Variants in TUG1 observed in about 807,000 individuals in gnomAD.
The protein encoded by TUG1 is taurine up-regulated 1.
At chr22:30,970,034 G>A (rs1419739476) in exon 1 of TUG1, 1 of 152,194 alleles carries the variant, frequency 6.6e-6, no homozygotes, top group African/African-American at 2.4e-5. Context: ...GTACGTAAAG[G>A]ATGGTTATTG....
At chr22:30,970,263 T>C (rs2041213534) in exon 1 of TUG1, 1 of 152,008 alleles carries the variant, frequency 6.6e-6, no homozygotes, top group African/African-American at 2.4e-5. Flanking sequence ...CCCAGAAGAG[T>C]TAAGAATCAC....
chr22:30,974,289 G>A (rs993714818), intron 2 of TUG1: 1 of 150,054 alleles, frequency 6.7e-6, no homozygotes, highest in Non-Finnish European at 1.5e-5. Flanking sequence ...GTGTATTAAA[G>A]GATCTCAGGA....
At chr22:30,970,315 C>T (rs2041214145) in exon 1 of TUG1, 1 of 152,238 alleles carries the variant, frequency 6.6e-6, no homozygotes, top group Non-Finnish European at 1.5e-5. Context: ...GCCTAGATGT[C>T]ATTTGGGACC....
At chr22:30,976,482 T>C (rs1474929487) in exon 3 of TUG1, 1 of 152,224 alleles carries the variant, frequency 6.6e-6, no homozygotes, top group East Asian at 1.9e-4. Context: ...ATTTTATCGG[T>C]AGACTTAAGA....
chr22:30,976,866 C>G (rs1484670496), exon 3 of TUG1: 1 of 152,208 alleles, frequency 6.6e-6, no homozygotes, highest in Admixed American at 6.5e-5. Context: ...TACATCTCGT[C>G]AAACAAGGCC....
exon 2 of TUG1, chr22:30,973,351 G>A (rs2041252236): frequency 6.6e-6 from 1 of 152,104 alleles, no homozygotes; most frequent in African/African-American, 2.4e-5. Flanking sequence ...AAGGTCACTG[G>A]ACCCTGTTTT....
At chr22:30,973,855 G>A (rs2041256779) in intron 2 of TUG1, 1 of 152,118 alleles carries the variant, frequency 6.6e-6, no homozygotes, top group Non-Finnish European at 1.5e-5. Flanking sequence ...TGGGTATTGG[G>A]AACCTCAGGA....
intron 2 of TUG1, chr22:30,973,837 A>C (rs2041256660): frequency 6.6e-6 from 1 of 152,184 alleles, no homozygotes; most frequent in South Asian, 2.1e-4. Context: ...CCACAGTGTT[A>C]AAATGGCTGG....
chr22:30,976,198 CAT>C (rs1439353951), exon 3 of TUG1: 5 of 152,142 alleles, frequency 3.3e-5, no homozygotes, highest in East Asian at 1.9e-4. Flanking sequence ...CACCCCTTCT[CAT>C]GTGATTTAAA....
chr22:30,973,000 T>G (rs2041248900), exon 2 of TUG1: 2 of 153,232 alleles, frequency 1.3e-5, no homozygotes, highest in Admixed American at 1.3e-4. Flanking sequence ...CCCATTCCAG[T>G]GGACCACTGT....
chr22:30,975,976 G>GTATATA (rs778772594), exon 3 of TUG1: 13 of 150,000 alleles, frequency 8.7e-5, no homozygotes, highest in Non-Finnish European at 1.8e-4. Flanking sequence ...ACACATCACT[G>GTATATA]TATGACTCAA....
exon 3 of TUG1, chr22:30,978,547 A>G (rs1190108538): frequency 6.6e-6 from 1 of 152,152 alleles, no homozygotes; most frequent in Non-Finnish European, 1.5e-5. Context: ...GTCTGACCCA[A>G]CCTTGAGCTT....
exon 3 of TUG1, chr22:30,977,770 ATCTT>A (rs1486027968): frequency 1.3e-5 from 2 of 152,164 alleles, no homozygotes; most frequent in Non-Finnish European, 2.9e-5. Context: ...ATTTCAGTCT[ATCTT>A]GTGCCCAATA....
exon 3 of TUG1, chr22:30,978,686 G>A (rs1414909051): frequency 6.6e-6 from 1 of 152,206 alleles, no homozygotes; most frequent in African/African-American, 2.4e-5. Context: ...GGCCTACCAT[G>A]TAGAGAATGA....
chr22:30,971,239 C>T (rs1027828841), exon 1 of TUG1: 1 of 152,176 alleles, frequency 6.6e-6, no homozygotes, highest in South Asian at 2.1e-4. Flanking sequence ...TGACTATTCC[C>T]TTTTCCTAAA....
At chr22:30,976,445 CA>C (rs1193900515) in exon 3 of TUG1, 1 of 152,140 alleles carries the variant, frequency 6.6e-6, no homozygotes, top group Non-Finnish European at 1.5e-5. Flanking sequence ...ATTTGAAAAA[CA>C]AAATCTATGA....
chr22:30,978,680 T>C (rs537505729), exon 3 of TUG1: 4 of 152,304 alleles, frequency 2.6e-5, no homozygotes, highest in Non-Finnish European at 5.9e-5. Flanking sequence ...TAACAGGGCC[T>C]ACCATGTAGA....
rs1569212694 is a variant in TUG1, at chr22:30,975,154, ATTT to A, written c.*2695-12_*2695-10del. On this transcript the variant is annotated splice_polypyrimidine_tract_variant and intron_variant, in intron 2 of 2. Coordinates refer to ENST00000644773, the Ensembl canonical transcript of TUG1. ...TTACAGTTTCTGCTTTCTGTGACCT[ATTT>A]TTTGTATTTCAGCATTTTGTGACCG... 1 of 152,192 alleles carries A rather than the reference ATTT, an allele frequency of 6.6e-6. No individual in the cohort carries two copies. The highest frequency in any genetic ancestry group is 1.5e-5 in the Non-Finnish European group (1 of 68,044). 9.4% of individuals were successfully genotyped at this position (152,192 alleles called of 1,614,324 possible). A position where few individuals can be genotyped will look rare whatever the true frequency, so the allele number is the denominator to read the frequency against.
chr22:30,972,555 A>G (rs1428059395), intron 1 of TUG1: 1 of 152,226 alleles, frequency 6.6e-6, no homozygotes, highest in African/African-American at 2.4e-5. Context: ...TCTCCTCACC[A>G]AAAAATGCCC....
Sources: gnomAD v4.1 joint callset for allele counts on GRCh38, gnomAD v4.1.1 for gene constraint, MANE v1.5 for transcripts, NCBI Gene and HGNC (gene_info 2026-07-23, HGNC 2026-07-21) for gene names.